TRPC3: variants seen among roughly 807,000 people sequenced by gnomAD.
The protein encoded by TRPC3 is short transient receptor potential channel 3.
Under a neutral mutation model 90.9 loss-of-function variants are expected in TRPC3, and 54 were observed. The observed-to-expected ratio is 0.59, with a 90% CI of 0.48 to 0.75. TRPC3 has a LOEUF of 0.75. Among genes scored for constraint, TRPC3 ranks in the 30% least tolerant of loss-of-function variants. TRPC3 has a pLI of 0.00. For missense variants in TRPC3, 918 were observed against 1,194.5 expected (o/e 0.77, Z 3.41); for synonymous variants, 424 against 450.9 (o/e 0.94, Z 0.75).
chr4:121,915,085 G>C (rs192510842), intron 3 of TRPC3, 141 bp from the exon 4 acceptor site: 2 of 660,504 alleles, frequency 3.0e-6, no homozygotes, highest in East Asian at 3.1e-5. Context: ...GGAAGGTTCT[G>C]GTAATATTCT....
intron 8 of TRPC3, among the ~76,000 whole-genome samples, chr4:121,903,713 C>T (rs1227696148): frequency 6.6e-6 from 1 of 152,020 alleles, no homozygotes; most frequent in East Asian, 1.9e-4. Flanking sequence ...TTCACACAGC[C>T]TAGAAGGCCA....
chr4:121,883,523 T>C (rs910526607), intron 10 of TRPC3, among the ~76,000 whole-genome samples: 5 of 152,074 alleles, frequency 3.3e-5, no homozygotes, highest in Non-Finnish European at 5.9e-5. Context: ...GTCAACAAGC[T>C]TAAGAAACAA....
At chr4:121,904,953 C>A (rs372701086) in intron 7 of TRPC3, among the ~76,000 whole-genome samples, 8 of 152,058 alleles carry the variant, frequency 5.3e-5, no homozygotes, top group African/African-American at 1.9e-4. Flanking sequence ...TTCCTTGCAG[C>A]ATCATTTGCA....
In TRPC3 at chr4:121,932,940, G is replaced by A. The variant is rs149440967; in HGVS notation, c.318C>T (p.Gly106=). The change falls in exon 2 of 12, where the codon GGC becomes GGT. Residue 106 remains glycine (G), a synonymous_variant. Transcript: ENST00000379645. The surrounding 1 kb of genome is among the most constrained non-coding windows in gnomAD (Gnocchi z 7.7). ...RGPAFMFNDR[G]TSLTAEEERF... ...GCTCCTCCTCGGCGGTGAGGCTGGT[G>A]CCGCGGTCATTGAACATGAAGGCCG... 92 of 1,613,786 alleles carry A rather than the reference G, an allele frequency of 5.7e-5. No homozygotes were observed. Among genetic ancestry groups the A allele is most frequent in the Non-Finnish European group, 7.5e-5 (89 of 1,179,954 alleles).
At chr4:121,928,484 A>G (rs1157093479) in intron 2 of TRPC3, among the ~76,000 whole-genome samples, 1 of 152,228 alleles carries the variant, frequency 6.6e-6, no homozygotes, top group Non-Finnish European at 1.5e-5. Context: ...GCAACCATCT[A>G]TGTAAAGTTC....
rs570399462 is a variant in TRPC3, at chr4:121,878,035, T to G, written c.*1701A>C. 6.6e-6 allele frequency among the ~76,000 whole-genome samples: 1 copy of G among 152,210 alleles called. No individual in the cohort carries two copies. The highest frequency in any genetic ancestry group is 1.5e-5 in the Non-Finnish European group (1 of 68,028). On this transcript the variant is annotated 3_prime_UTR_variant, in exon 12 of 12. Coordinates refer to ENST00000379645, the MANE Select transcript of TRPC3 (RefSeq NM_001130698.2). ...ACTATAAAACTATCAGAAACATCTATTATAGAAACTTTGTATCTTTACTAT... is the reference window on the plus strand; with the variant it reads ...ACTATAAAACTATCAGAAACATCTAGTATAGAAACTTTGTATCTTTACTAT...
Position 121,888,399 on chromosome 4 carries a change from T to C in TRPC3, c.2548-5970A>G, listed in dbSNP as rs28579712. 2.2e-3 allele frequency among the ~76,000 whole-genome samples: 338 copies of C among 152,306 alleles called. 1 individual carries two copies. Among genetic ancestry groups the C allele is most frequent in the African/African-American group, 7.8e-3 (325 of 41,564 alleles). ...GGAATAATTAGCTAAGTTCAGTAAC[T>C]AGAAAAAAATGAAACATTTTTTGAG... On this transcript the variant is annotated intron_variant, in intron 10 of 11. Transcript: ENST00000379645.
intron 2 of TRPC3, among the ~76,000 whole-genome samples, chr4:121,931,568 T>A (rs562435304): frequency 1.3e-5 from 2 of 150,958 alleles, no homozygotes; most frequent in Admixed American, 1.3e-4. Flanking sequence ...TTAAAAAAAA[T>A]CTCTTAAAGC....
rs1037421221 is a variant in TRPC3 at position 121,878,007 on chromosome 4, C to T, written c.*1729G>A. ...ACTTTTCACACTTGGAATCCTGGAC[C>T]ATACTATAAAACTATCAGAAACATC... On this transcript the variant is annotated 3_prime_UTR_variant, in exon 12 of 12. Transcript: ENST00000379645. Among the ~76,000 whole-genome samples the T allele has an allele frequency of 3.9e-5, 6 of 152,148 alleles. No individual in the cohort carries two copies. Among genetic ancestry groups the T allele is most frequent in the African/African-American group, 1.4e-4 (6 of 41,436 alleles).
At chr4:121,907,736 A>G (rs1327450063) in intron 6 of TRPC3, among the ~76,000 whole-genome samples, 169 bp from the exon 7 acceptor site, 1 of 152,136 alleles carries the variant, frequency 6.6e-6, no homozygotes, top group Non-Finnish European at 1.5e-5. Context: ...CTTAAACCAG[A>G]AACGTAAATT....
chr4:121,919,415 T>C (rs1400817230), intron 3 of TRPC3, among the ~76,000 whole-genome samples: 1 of 152,218 alleles, frequency 6.6e-6, no homozygotes, highest in Non-Finnish European at 1.5e-5. Context: ...ATTCAACTTC[T>C]TTTAAAAACT....
chr4:121,938,702 G>A (rs546738271), intron 1 of TRPC3, among the ~76,000 whole-genome samples: 11 of 152,170 alleles, frequency 7.2e-5, no homozygotes, highest in Admixed American at 2.0e-4. Flanking sequence ...GTAAAATAAC[G>A]AAGAACTGGG....
In TRPC3 at chr4:121,875,512, G is replaced by A. The variant is rs1243939214; in HGVS notation, c.*4224C>T. Among the ~76,000 whole-genome samples the A allele has an allele frequency of 6.6e-6, 1 of 152,088 alleles. No homozygotes were observed. Among genetic ancestry groups the A allele is most frequent in the African/African-American group, 2.4e-5 (1 of 41,390 alleles). ...ATGTCAAGTTAAATTACCACTGTGT[G>A]TCCTCTTTTTAAAGATGTTTTAGGG... On this transcript the variant is annotated 3_prime_UTR_variant, in exon 12 of 12. Coordinates refer to ENST00000379645, the MANE Select transcript of TRPC3 (RefSeq NM_001130698.2).
chr4:121,883,882 T>C (rs1040360784), intron 10 of TRPC3, among the ~76,000 whole-genome samples: 1 of 152,148 alleles, frequency 6.6e-6, no homozygotes, highest in African/African-American at 2.4e-5. Context: ...GGTATTATCT[T>C]TTAAAGTTGA....
intron 1 of TRPC3, among the ~76,000 whole-genome samples, chr4:121,933,799 T>C (rs1215719646): frequency 6.6e-6 from 1 of 152,126 alleles, no homozygotes; most frequent in Non-Finnish European, 1.5e-5. Flanking sequence ...GCGTTTCTCT[T>C]AAGGGGATTC....
At chr4:121,915,779 A>T (rs1373419000) in intron 3 of TRPC3, among the ~76,000 whole-genome samples, 1 of 151,970 alleles carries the variant, frequency 6.6e-6, no homozygotes, top group African/African-American at 2.4e-5. Flanking sequence ...CCCTGTTCTT[A>T]TTCAAGAAGC....
At position 121,951,790 on chromosome 4, in the gene TRPC3, G is replaced by A. The variant is rs975106412; in HGVS notation, c.-110C>T. ...TTCACCACCTCCCGCGGCTTCCGGGGCCCCGGGCGGCCCAGGGCGGGAAGG... is the reference window on the plus strand; with the variant it reads ...TTCACCACCTCCCGCGGCTTCCGGGACCCCGGGCGGCCCAGGGCGGGAAGG... On this transcript the variant is annotated 5_prime_UTR_variant, in exon 1 of 12. Coordinates refer to ENST00000379645, the MANE Select transcript of TRPC3 (RefSeq NM_001130698.2). The surrounding 1 kb of genome is among the most constrained non-coding windows in gnomAD (Gnocchi z 4.4). 3 of 881,086 alleles carry A rather than the reference G, an allele frequency of 3.4e-6. No individual in the cohort carries two copies. Among genetic ancestry groups the A allele is most frequent in the Non-Finnish European group, 1.5e-6 (1 of 651,700 alleles). 54.6% of individuals were successfully genotyped at this position (881,086 alleles called of 1,614,324 possible).
intron 3 of TRPC3, among the ~76,000 whole-genome samples, chr4:121,916,119 G>C (rs1729309549): frequency 6.6e-6 from 1 of 152,142 alleles, no homozygotes; most frequent in Non-Finnish European, 1.5e-5. Flanking sequence ...TAATAATCCT[G>C]ATGATTCTTA....
intron 1 of TRPC3, among the ~76,000 whole-genome samples, chr4:121,936,939 A>G (rs1730150482): frequency 6.6e-6 from 1 of 152,160 alleles, no homozygotes; most frequent in Non-Finnish European, 1.5e-5. Flanking sequence ...CATTTTTTTC[A>G]TGCTTTGTGG....
Sources: gnomAD v4.1 joint callset for allele counts (sites outside exome capture counted in the v4.1 genomes callset) on GRCh38, gnomAD v4.1.1 for gene constraint, Gnocchi (gnomAD v3.1) non-coding constraint, MANE v1.5 for transcripts, NCBI Gene and HGNC (gene_info 2026-07-23, HGNC 2026-07-21) for gene names.